The following SLC35D4 variants were observed in gnomAD, a reference collection of about 807,000 sequenced individuals.
The protein encoded by SLC35D4 is UDP-N-acetylglucosamine transporter SLC35D4.
chr18:23,379,277 C>A, the SLC35D4 span, among the ~76,000 whole-genome samples: 3 of 152,108 alleles, frequency 2.0e-5, no homozygotes, highest in South Asian at 6.2e-4. Context: ...GTGTGTGCCA[C>A]CATGCCCAGC....
chr18:23,344,828 C>G, the SLC35D4 span, among the ~76,000 whole-genome samples: 1 of 152,096 alleles, frequency 6.6e-6, no homozygotes, highest in Non-Finnish European at 1.5e-5. Context: ...TCTTCATCTC[C>G]TCACCTCATG....
the SLC35D4 span, among the ~76,000 whole-genome samples, chr18:23,383,518 G>A: frequency 3.9e-5 from 6 of 152,160 alleles, no homozygotes; most frequent in South Asian, 2.1e-4. Context: ...GGGGAACGGC[G>A]GGGGCAGAAG....
chr18:23,251,009 A>T, the SLC35D4 span, among the ~76,000 whole-genome samples: 1 of 152,228 alleles, frequency 6.6e-6, no homozygotes, highest in Admixed American at 6.5e-5. Context: ...CCTGTGTCCT[A>T]TAAATGGAGG....
At chr18:23,357,447 C>T in the SLC35D4 span, among the ~76,000 whole-genome samples, 8 of 152,262 alleles carry the variant, frequency 5.3e-5, no homozygotes, top group African/African-American at 1.9e-4. Flanking sequence ...CAAAAATGTC[C>T]GGAGAAAAGG....
the SLC35D4 span, among the ~76,000 whole-genome samples, chr18:23,375,252 A>G: frequency 6.6e-6 from 1 of 152,092 alleles, no homozygotes; most frequent in Admixed American, 6.6e-5. Context: ...TCTAAATTCA[A>G]TGACTGCACT....
the SLC35D4 span, among the ~76,000 whole-genome samples, chr18:23,246,598 A>G: frequency 1.2e-3 from 174 of 150,366 alleles, 1 homozygote; most frequent in Middle Eastern, 3.4e-3. Flanking sequence ...TCACCGTGTT[A>G]GCCAGGATGG....
chr18:23,353,477 G>C, the SLC35D4 span, among the ~76,000 whole-genome samples: 1 of 152,312 alleles, frequency 6.6e-6, no homozygotes, highest in African/African-American at 2.4e-5. Flanking sequence ...ATTGGAAGCA[G>C]ACTGAATTAA....
the SLC35D4 span, among the ~76,000 whole-genome samples, chr18:23,425,182 C>T: frequency 1.3e-5 from 2 of 152,246 alleles, no homozygotes; most frequent in South Asian, 4.1e-4. Flanking sequence ...TTCATTGCAA[C>T]CTCCACTTCC....
chr18:23,251,181 G>A, the SLC35D4 span, among the ~76,000 whole-genome samples: 3 of 152,208 alleles, frequency 2.0e-5, 1 homozygote, highest in African/African-American at 7.2e-5. Context: ...GGCCGGGCAC[G>A]GTTGCTCATG....
At chr18:23,371,760 C>T in the SLC35D4 span, among the ~76,000 whole-genome samples, 1 of 151,774 alleles carries the variant, frequency 6.6e-6, no homozygotes, top group African/African-American at 2.4e-5. Flanking sequence ...CCCATCAACC[C>T]CTCTGGTTGT....
the SLC35D4 span, chr18:23,437,684 G>T: frequency 7.9e-7 from 1 of 1,261,636 alleles, no homozygotes; most frequent in Non-Finnish European, 1.1e-6. Flanking sequence ...CAGGAAGAAT[G>T]AGGTAAAAAG....
chr18:23,424,580 G>A, the SLC35D4 span, among the ~76,000 whole-genome samples: 1 of 152,138 alleles, frequency 6.6e-6, no homozygotes, highest in Admixed American at 6.5e-5. Flanking sequence ...ATGCACATTC[G>A]CTAAGTCCCT....
chr18:23,339,034 C>T, the SLC35D4 span, among the ~76,000 whole-genome samples: 8 of 152,206 alleles, frequency 5.3e-5, no homozygotes, highest in Admixed American at 3.9e-4. Flanking sequence ...ACTACAGGTA[C>T]AAGCCACCAC....
At chr18:23,291,850 T>C in the SLC35D4 span, among the ~76,000 whole-genome samples, 1 of 152,020 alleles carries the variant, frequency 6.6e-6, no homozygotes, top group African/African-American at 2.4e-5. Flanking sequence ...AGGTGGGGCA[T>C]CTTTGGAGAC....
chr18:23,265,289 G>A, the SLC35D4 span, among the ~76,000 whole-genome samples: 1 of 152,036 alleles, frequency 6.6e-6, no homozygotes, highest in South Asian at 2.1e-4. Context: ...CCAGCCAAGG[G>A]GCCCTGCTAG....
At chr18:23,328,241 T>C in the SLC35D4 span, among the ~76,000 whole-genome samples, 1 of 152,230 alleles carries the variant, frequency 6.6e-6, no homozygotes, top group Middle Eastern at 3.4e-3. Flanking sequence ...GGGTATTCAA[T>C]TAGGAAAAGA....
the SLC35D4 span, among the ~76,000 whole-genome samples, chr18:23,413,200 C>T: frequency 6.6e-6 from 1 of 152,300 alleles, no homozygotes. Context: ...ACTTTCATCA[C>T]TGGTTCTTCC....
chr18:23,341,047 A>C, the SLC35D4 span, among the ~76,000 whole-genome samples: 2 of 152,206 alleles, frequency 1.3e-5, no homozygotes, highest in South Asian at 4.1e-4. Context: ...TCACGTCTAC[A>C]CACGTCCCTG....
the SLC35D4 span, among the ~76,000 whole-genome samples, chr18:23,369,799 T>C: frequency 6.6e-6 from 1 of 152,192 alleles, no homozygotes; most frequent in African/African-American, 2.4e-5. Context: ...AACCCAGGCC[T>C]GTAGAGTCTC....
Sources: gnomAD v4.1 joint callset for allele counts (sites outside exome capture counted in the v4.1 genomes callset) on GRCh38, gnomAD v4.1.1 for gene constraint, MANE v1.5 for transcripts, NCBI Gene and HGNC (gene_info 2026-07-23, HGNC 2026-07-21) for gene names.